The following MYT1L variants were observed in gnomAD, a reference collection of about 807,000 sequenced individuals.
MYT1L encodes the protein myelin transcription factor 1-like protein.
MYT1L carries 12 observed loss-of-function variants against 126.7 expected under a neutral mutation model. That is an observed-to-expected ratio of 0.09 (90% confidence interval 0.06 to 0.15). The LOEUF (loss-of-function observed/expected upper bound fraction) is 0.15, where lower values mean the gene tolerates loss of function less well. Among genes scored for constraint, MYT1L ranks in the 10% least tolerant of loss-of-function variants. MYT1L has a pLI of 1.00. For missense variants in MYT1L, 979 were observed against 1,585.2 expected, an observed-to-expected ratio of 0.62 and a Z score of 6.49; for synonymous variants, 541 against 604.2, an observed-to-expected ratio of 0.90 and a Z score of 1.53.
At chr2:1,993,477 T>TA (rs952476512) in intron 5 of MYT1L, among the ~76,000 whole-genome samples, 35 of 151,624 alleles carry the variant, frequency 2.3e-4, no homozygotes, top group Admixed American at 1.6e-3. Flanking sequence ...ATTTTTCACT[T>TA]AAAAAAAAAT....
At chr2:2,006,865 C>T (rs1283064891) in intron 4 of MYT1L, among the ~76,000 whole-genome samples, 5 of 151,722 alleles carry the variant, frequency 3.3e-5, no homozygotes, top group Admixed American at 6.6e-5. Context: ...CCTGAGCCAC[C>T]GCACCCAGGC....
At chr2:2,140,498 G>C (rs1244845687) in intron 3 of MYT1L, among the ~76,000 whole-genome samples, 1 of 141,492 alleles carries the variant, frequency 7.1e-6, no homozygotes, top group South Asian at 2.2e-4. Flanking sequence ...GCAGTGGCAC[G>C]ATCCTGGATC....
chr2:1,976,814 A>G (rs2149477305), intron 8 of MYT1L, among the ~76,000 whole-genome samples: 1 of 152,364 alleles, frequency 6.6e-6, no homozygotes, highest in South Asian at 2.1e-4. Context: ...AGGCTTAGAA[A>G]ACGCTCAGTG....
At chr2:2,237,991 T>C (rs533314561) in intron 2 of MYT1L, among the ~76,000 whole-genome samples, 20 of 152,196 alleles carry the variant, frequency 1.3e-4, no homozygotes, top group South Asian at 6.2e-4. Context: ...ACTTTCCACA[T>C]TGAAGATCCT....
intron 2 of MYT1L, among the ~76,000 whole-genome samples, chr2:2,197,253 A>G (rs1158163533): frequency 6.6e-6 from 1 of 152,186 alleles, no homozygotes; most frequent in Non-Finnish European, 1.5e-5. Flanking sequence ...CCTTTCAGTC[A>G]TTATTTATTC....
At chr2:1,866,311 C>G (rs1024990480) in intron 18 of MYT1L, among the ~76,000 whole-genome samples, 1 of 152,148 alleles carries the variant, frequency 6.6e-6, no homozygotes, top group Non-Finnish European at 1.5e-5. Context: ...CCACAGACAC[C>G]TCTGGCCCCG....
intron 1 of MYT1L, among the ~76,000 whole-genome samples, chr2:2,308,727 A>C (rs1290304549): frequency 1.3e-5 from 2 of 151,492 alleles, no homozygotes; most frequent in East Asian, 3.9e-4. Flanking sequence ...ACTTCACTAT[A>C]TTCTACCTAC....
At chr2:2,291,132 T>TC (rs937883037) in intron 1 of MYT1L, among the ~76,000 whole-genome samples, 3 of 152,012 alleles carry the variant, frequency 2.0e-5, no homozygotes, top group African/African-American at 7.2e-5. Flanking sequence ...CATTAAATTC[T>TC]CCTATGCTGA....
At position 2,287,088 on chromosome 2, in the gene MYT1L, C is replaced by T. The variant is rs141095590; in HGVS notation, c.-520-2585G>A. Among the ~76,000 whole-genome samples the T allele has an allele frequency of 6.3e-3, 958 of 152,200 alleles. 13 individuals are homozygous for T. Among genetic ancestry groups the T allele is most frequent in the African/African-American group, 0.022 (902 of 41,530 alleles). On this transcript the variant is annotated intron_variant, in intron 1 of 24. Transcript: ENST00000647738. The stretch of plus-strand genomic sequence containing the variant: ...TCTGACCAACATGGAGAAACCCGGT[C>T]TCTACTAAAAATAGAAAATTAGCCA...
At chr2:2,070,323 C>T (rs2074445030) in intron 3 of MYT1L, among the ~76,000 whole-genome samples, 1 of 152,216 alleles carries the variant, frequency 6.6e-6, no homozygotes, top group African/African-American at 2.4e-5. Flanking sequence ...ATCCATCCAA[C>T]TGTCTAACCT....
At chr2:1,860,285 T>C (rs1359511758) in intron 18 of MYT1L, among the ~76,000 whole-genome samples, 1 of 151,998 alleles carries the variant, frequency 6.6e-6, no homozygotes, top group African/African-American at 2.4e-5. Flanking sequence ...GGAGCCAGTA[T>C]TGGGGTTGGA....
intron 21 of MYT1L, among the ~76,000 whole-genome samples, chr2:1,823,128 C>T (rs764657278): frequency 5.9e-5 from 9 of 152,134 alleles, no homozygotes; most frequent in African/African-American, 1.9e-4. Flanking sequence ...CAAATGGCAT[C>T]GACACGTGGG....
chr2:2,286,201 T>C (rs966806031), intron 1 of MYT1L, among the ~76,000 whole-genome samples: 2 of 152,192 alleles, frequency 1.3e-5, no homozygotes, highest in African/African-American at 4.8e-5. Context: ...CAGGCTGGTC[T>C]TGAACTCCTG....
rs2148489347 is a variant in MYT1L, at chr2:1,848,295, A to T, written c.2774+3346T>A. Among the ~76,000 whole-genome samples, 4 of 50,450 alleles carry T rather than the reference A, an allele frequency of 7.9e-5. No homozygotes were observed. The highest frequency in any genetic ancestry group is 5.5e-4 in the African/African-American group (4 of 7,244). The allele number at this position is 50,450 out of a possible 152,430, so 33.1% of individuals were successfully genotyped here. The stretch of plus-strand genomic sequence containing the variant: ...ATTCTACAGACACCACGGAAGCGCG[A>T]GGCATTTGTCCTGGGAGCAGGAGGA... On this transcript the variant is annotated intron_variant, in intron 19 of 24. Transcript: ENST00000647738. This position sits in a 1 kb window ranked among gnomAD's most constrained non-coding sequence, Gnocchi z 4.8.
At chr2:2,041,230 CT>C (rs1220537043) in intron 4 of MYT1L, among the ~76,000 whole-genome samples, 6 of 152,280 alleles carry the variant, frequency 3.9e-5, no homozygotes, top group Middle Eastern at 6.8e-3. Flanking sequence ...CATAATTGTA[CT>C]ATTAATGAAA....
At chr2:2,186,525 A>G (rs572412917) in intron 2 of MYT1L, among the ~76,000 whole-genome samples, 1 of 152,294 alleles carries the variant, frequency 6.6e-6, no homozygotes, top group African/African-American at 2.4e-5. Flanking sequence ...CTTTGCCCCC[A>G]TCACTACCAT....
chr2:2,046,226 G>C (rs2068166353), intron 4 of MYT1L, among the ~76,000 whole-genome samples: 1 of 152,136 alleles, frequency 6.6e-6, no homozygotes, highest in South Asian at 2.1e-4. Context: ...GCACTGACAA[G>C]CATCTACGTA....
intron 3 of MYT1L, among the ~76,000 whole-genome samples, chr2:2,160,454 C>G (rs2087677555): frequency 6.6e-6 from 1 of 152,210 alleles, no homozygotes; most frequent in South Asian, 2.1e-4. Flanking sequence ...AGAGTATCAT[C>G]TGTAACCTTG....
chr2:1,935,708 A>T (rs2055785362), intron 9 of MYT1L, among the ~76,000 whole-genome samples: 1 of 152,182 alleles, frequency 6.6e-6, no homozygotes, highest in African/African-American at 2.4e-5. Context: ...CTGGAAACAC[A>T]CCTCATTCCT....
Sources: gnomAD v4.1 joint callset for allele counts (sites outside exome capture counted in the v4.1 genomes callset) on GRCh38, gnomAD v4.1.1 for gene constraint, Gnocchi (gnomAD v3.1) non-coding constraint, MANE v1.5 for transcripts, NCBI Gene and HGNC (gene_info 2026-07-23, HGNC 2026-07-21) for gene names.